L3MBTL4: variants seen among roughly 807,000 people sequenced by gnomAD.
L3MBTL4 encodes L3MBTL histone methyl-lysine binding protein 4.
In L3MBTL4, 70 loss-of-function variants were observed where a neutral mutation model predicts 84.5. That is an observed-to-expected ratio of 0.83 (90% confidence interval 0.68 to 1.01). The LOEUF (loss-of-function observed/expected upper bound fraction) is 1.01, where lower values mean the gene tolerates loss of function less well. Ranked by LOEUF, L3MBTL4 falls within the 50% of genes least tolerant of loss-of-function variation. The pLI is 0.00. For missense variants in L3MBTL4, 715 were observed against 754.8 expected, an observed-to-expected ratio of 0.95 and a Z score of 0.62; for synonymous variants, 274 against 259.8, an observed-to-expected ratio of 1.05 and a Z score of -0.52.
At chr18:6,252,177 G>A (rs1369027931) in intron 5 of L3MBTL4, among the ~76,000 whole-genome samples, 1 of 152,146 alleles carries the variant, frequency 6.6e-6, no homozygotes, top group Non-Finnish European at 1.5e-5. Flanking sequence ...GCCGGGTGTG[G>A]TGGTGGGCAC....
intron 4 of L3MBTL4, among the ~76,000 whole-genome samples, chr18:6,277,134 T>G (rs1599450070): frequency 1.8e-5 from 2 of 110,544 alleles, no homozygotes; most frequent in South Asian, 3.4e-4. Flanking sequence ...CTGGGGACTG[T>G]TGTGGGGTGG....
chr18:6,099,201 C>G (rs535698723), intron 14 of L3MBTL4, among the ~76,000 whole-genome samples: 53 of 152,234 alleles, frequency 3.5e-4, no homozygotes, highest in African/African-American at 1.3e-3. Context: ...ATAACCCGCC[C>G]CATTTCAGAA....
chr18:6,408,175 C>G (rs1344269004), intron 1 of L3MBTL4, among the ~76,000 whole-genome samples: 1 of 152,204 alleles, frequency 6.6e-6, no homozygotes, highest in Non-Finnish European at 1.5e-5. Context: ...AACCTGGCAC[C>G]AGGATGTGCT....
intron 12 of L3MBTL4, among the ~76,000 whole-genome samples, chr18:6,205,914 C>T (rs1228162307): frequency 6.6e-6 from 1 of 152,166 alleles, no homozygotes; most frequent in Non-Finnish European, 1.5e-5. Flanking sequence ...CACTTCTGTT[C>T]AGGAAAATGG....
At chr18:6,006,897 A>C (rs896958065) in intron 16 of L3MBTL4, among the ~76,000 whole-genome samples, 11 of 152,220 alleles carry the variant, frequency 7.2e-5, no homozygotes, top group Non-Finnish European at 1.0e-4. Flanking sequence ...ACAAAAAACA[A>C]ATAAAATTAA....
chr18:6,300,056 T>TC (rs11415141), intron 4 of L3MBTL4, among the ~76,000 whole-genome samples: 28,783 of 152,178 alleles, frequency 0.19, 2,845 homozygotes, highest in African/African-American at 0.23. Context: ...TTTAGTATTT[T>TC]TTTTGTTACT....
At chr18:6,285,810 T>TATTATC (rs2049548927) in intron 4 of L3MBTL4, among the ~76,000 whole-genome samples, 1 of 46,426 alleles carries the variant, frequency 2.2e-5, no homozygotes, top group Non-Finnish European at 4.1e-5. Context: ...TTAAAAGATA[T>TATTATC]ATTATTATTA....
At chr18:6,281,911 G>A (rs1396644174) in intron 4 of L3MBTL4, among the ~76,000 whole-genome samples, 1 of 152,128 alleles carries the variant, frequency 6.6e-6, no homozygotes, top group East Asian at 1.9e-4. Context: ...CTTATTTGGG[G>A]AACAAATACA....
chr18:6,314,376 C>T (rs2050988718), intron 1 of L3MBTL4, among the ~76,000 whole-genome samples: 1 of 152,122 alleles, frequency 6.6e-6, no homozygotes, highest in Non-Finnish European at 1.5e-5. Flanking sequence ...TTATAAAACA[C>T]ATCAAAGAAA....
intron 1 of L3MBTL4, among the ~76,000 whole-genome samples, chr18:6,340,285 C>T (rs1249753197): frequency 6.6e-6 from 1 of 152,110 alleles, no homozygotes; most frequent in Admixed American, 6.5e-5. Flanking sequence ...CAGAGTCTAG[C>T]TAAGTTTCTA....
At chr18:6,232,089 T>C (rs1414813011) in intron 10 of L3MBTL4, among the ~76,000 whole-genome samples, 1 of 152,136 alleles carries the variant, frequency 6.6e-6, no homozygotes, top group Non-Finnish European at 1.5e-5. Context: ...AATGTTTTTG[T>C]CATGAAAGGG....
intron 10 of L3MBTL4, among the ~76,000 whole-genome samples, chr18:6,234,147 C>T (rs1313415461): frequency 6.6e-6 from 1 of 152,140 alleles, no homozygotes; most frequent in Non-Finnish European, 1.5e-5. Flanking sequence ...CTTCCTTACC[C>T]CTTACACAAA....
intron 17 of L3MBTL4, among the ~76,000 whole-genome samples, chr18:5,965,265 G>C (rs2052289847): frequency 6.6e-6 from 1 of 152,200 alleles, no homozygotes; most frequent in South Asian, 2.1e-4. Flanking sequence ...GCAGCTCACA[G>C]CTCTGTGGAG....
chr18:6,073,665 A>AT (rs2057764498), intron 16 of L3MBTL4, among the ~76,000 whole-genome samples: 1 of 152,220 alleles, frequency 6.6e-6, no homozygotes, highest in South Asian at 2.1e-4. Context: ...GTCAGGGGGT[A>AT]TAAAATTGAC....
At chr18:6,029,826 C>T (rs1052472433) in intron 16 of L3MBTL4, 2 of 985,220 alleles carry the variant, frequency 2.0e-6, no homozygotes, top group African/African-American at 1.7e-5. Context: ...GTAAGGGTAG[C>T]TGAGGAAATG....
At chr18:6,018,011 G>C (rs2055078387) in intron 16 of L3MBTL4, among the ~76,000 whole-genome samples, 1 of 152,198 alleles carries the variant, frequency 6.6e-6, no homozygotes, top group Admixed American at 6.5e-5. Context: ...CTCTAGGGCA[G>C]GGAGAGCTGG....
intron 13 of L3MBTL4, among the ~76,000 whole-genome samples, chr18:6,146,175 G>A (rs9957310): frequency 0.014 from 2,145 of 152,350 alleles, 50 homozygotes; most frequent in African/African-American, 0.048. Context: ...CAAGCACTGC[G>A]TGGAGAGGGG....
chr18:6,126,487 T>C (rs1477862321), intron 14 of L3MBTL4, among the ~76,000 whole-genome samples: 1 of 152,218 alleles, frequency 6.6e-6, no homozygotes, highest in Non-Finnish European at 1.5e-5. Flanking sequence ...AGGATACAGT[T>C]CCTACAACCT....
intron 10 of L3MBTL4, among the ~76,000 whole-genome samples, chr18:6,234,320 T>C (rs1205518418): frequency 6.6e-6 from 1 of 152,098 alleles, no homozygotes; most frequent in Admixed American, 6.5e-5. Flanking sequence ...ACAAATGGGA[T>C]TTAATTAAAC....
Sources: gnomAD v4.1 joint callset for allele counts (sites outside exome capture counted in the v4.1 genomes callset) on GRCh38, gnomAD v4.1.1 for gene constraint, MANE v1.5 for transcripts, NCBI Gene and HGNC (gene_info 2026-07-23, HGNC 2026-07-21) for gene names.